KLHL5: variants seen among roughly 807,000 people sequenced by gnomAD.
KLHL5 encodes the protein kelch-like protein 5.
A neutral mutation model predicts 77.7 loss-of-function variants in KLHL5; 48 were observed. The ratio of observed to expected loss-of-function variants is 0.62; its 90% CI spans 0.49 to 0.79. The LOEUF is 0.79. Ranked by LOEUF, KLHL5 falls within the 30% of genes least tolerant of loss-of-function variation. KLHL5 has a pLI of 0.00. For synonymous variants in KLHL5, 260 were observed against 297.0 expected (o/e 0.88, Z 1.28); for missense variants, 723 against 859.7 (o/e 0.84, Z 1.99).
At chr4:39,131,315 C>A (rs1004054178), downstream of KLHL5, among the ~76,000 whole-genome samples, 1 of 152,044 alleles carries the variant, frequency 6.6e-6, no homozygotes, top group African/African-American at 2.4e-5. Flanking sequence ...CCAAATTATA[C>A]CAAATCAGTG....
intron 1 of KLHL5, among the ~76,000 whole-genome samples, chr4:39,067,918 A>G (rs193297147): frequency 3.3e-5 from 5 of 152,116 alleles, no homozygotes; most frequent in Non-Finnish European, 2.9e-5. Context: ...CCTGAGCTCA[A>G]GTGATCTGTC....
chr4:39,105,461 A>G (rs1721949487), intron 7 of KLHL5, among the ~76,000 whole-genome samples: 1 of 151,980 alleles, frequency 6.6e-6, no homozygotes, highest in Admixed American at 6.6e-5. Context: ...ATTTATTTTC[A>G]AAGTCATTTT....
At chr4:39,116,718 T>A (rs1722866374) in intron 10 of KLHL5, among the ~76,000 whole-genome samples, 1 of 152,088 alleles carries the variant, frequency 6.6e-6, no homozygotes, top group South Asian at 2.1e-4. Flanking sequence ...AGAGGAAGAT[T>A]GGGGTCAGAA....
At chr4:39,056,387 C>T (rs1320768552) in intron 1 of KLHL5, among the ~76,000 whole-genome samples, 1 of 152,154 alleles carries the variant, frequency 6.6e-6, no homozygotes, top group Non-Finnish European at 1.5e-5. Flanking sequence ...AGGCATGAGC[C>T]ACTGCACCCG....
At chr4:39,126,830 A>G, downstream of KLHL5, 1 of 421,528 alleles carries the variant, frequency 2.4e-6, no homozygotes, top group East Asian at 7.0e-5. Flanking sequence ...ATCTTGTACT[A>G]GGCTTCTTTA....
intron 8 of KLHL5, among the ~76,000 whole-genome samples, chr4:39,112,287 C>A (rs1577738503): frequency 6.6e-6 from 1 of 152,260 alleles, no homozygotes; most frequent in Non-Finnish European, 1.5e-5. Context: ...AACCTATATC[C>A]TTTTCTGCAG....
At chr4:39,130,190 A>G (rs2109665412), downstream of KLHL5, among the ~76,000 whole-genome samples, 1 of 152,334 alleles carries the variant, frequency 6.6e-6, no homozygotes, top group Middle Eastern at 3.4e-3. Flanking sequence ...TTACCCACAT[A>G]CTTATTAACA....
At chr4:39,108,626 AT>A (rs1453290705) in intron 8 of KLHL5, among the ~76,000 whole-genome samples, 2 of 152,088 alleles carry the variant, frequency 1.3e-5, no homozygotes, top group Non-Finnish European at 2.9e-5. Context: ...CACTTTTTAG[AT>A]GTTTTTTATC....
the KLHL5 span, among the ~76,000 whole-genome samples, chr4:39,134,356 T>C: frequency 6.6e-6 from 1 of 152,236 alleles, no homozygotes; most frequent in Non-Finnish European, 1.5e-5. Flanking sequence ...AAGTAAGCAT[T>C]TCATATGTAT....
chr4:39,110,036 C>T (rs1722341134), intron 8 of KLHL5, among the ~76,000 whole-genome samples: 1 of 152,126 alleles, frequency 6.6e-6, no homozygotes, highest in South Asian at 2.1e-4. Context: ...GCTCAGGCTA[C>T]CTTTAAGCCA....
the KLHL5 span, among the ~76,000 whole-genome samples, chr4:39,132,724 G>C: frequency 6.6e-6 from 1 of 152,100 alleles, no homozygotes; most frequent in Non-Finnish European, 1.5e-5. Context: ...AAAAATAAAT[G>C]CCCACAGAAA....
At chr4:39,132,613 A>G in the KLHL5 span, among the ~76,000 whole-genome samples, 1 of 149,230 alleles carries the variant, frequency 6.7e-6, no homozygotes, top group Admixed American at 6.7e-5. Context: ...ATCTCAAAGA[A>G]AAAAAAAAAA....
At chr4:39,140,797 G>A in the KLHL5 span, among the ~76,000 whole-genome samples, 3,971 of 152,322 alleles carry the variant, frequency 0.026, 85 homozygotes, top group South Asian at 0.049. Flanking sequence ...CCAGGGGTAT[G>A]AGATGAATTT....
intron 9 of KLHL5, among the ~76,000 whole-genome samples, chr4:39,113,765 G>C (rs1392252422): frequency 6.6e-6 from 1 of 152,100 alleles, no homozygotes; most frequent in Non-Finnish European, 1.5e-5. Flanking sequence ...CAATCAATAG[G>C]AGCTTGTCTG....
intron 1 of KLHL5, among the ~76,000 whole-genome samples, chr4:39,072,836 C>T (rs374811033): frequency 7.2e-5 from 11 of 152,252 alleles, no homozygotes; most frequent in African/African-American, 2.4e-4. Flanking sequence ...GGTCAGTGTG[C>T]ACAAAGTTAC....
upstream of KLHL5, among the ~76,000 whole-genome samples, chr4:39,062,017 A>G (rs1717460111): frequency 6.6e-6 from 1 of 152,188 alleles, no homozygotes; most frequent in Non-Finnish European, 1.5e-5. Flanking sequence ...TTCCCCATCC[A>G]AAGAGCACAC....
chr4:39,045,344 C>T (rs1206530421), intron 1 of KLHL5, among the ~76,000 whole-genome samples: 1 of 151,184 alleles, frequency 6.6e-6, no homozygotes, highest in African/African-American at 2.4e-5. Context: ...CCCCGAGCGC[C>T]GGAGCCGGCG....
intron 8 of KLHL5, among the ~76,000 whole-genome samples, chr4:39,111,402 G>A (rs1722448374): frequency 6.6e-6 from 1 of 152,178 alleles, no homozygotes; most frequent in South Asian, 2.1e-4. Context: ...CAGAGTTCAT[G>A]CTCTTAATCA....
At chr4:39,045,880 T>A (rs13147482) in intron 1 of KLHL5, among the ~76,000 whole-genome samples, 2 of 150,078 alleles carry the variant, frequency 1.3e-5, no homozygotes, top group Non-Finnish European at 2.9e-5. Context: ...AGGTTAGATG[T>A]GCGGATGCCC....
Sources: allele counts gnomAD v4.1 joint callset (sites outside exome capture counted in the v4.1 genomes callset), GRCh38; gene constraint gnomAD v4.1.1; transcripts MANE v1.5; gene names NCBI Gene and HGNC (gene_info 2026-07-23, HGNC 2026-07-21).